Variants in PRDM5 observed in about 807,000 individuals in gnomAD.
The protein encoded by PRDM5 is PR domain zinc finger protein 5.
PRDM5 carries 56 observed loss-of-function variants against 81.2 expected under a neutral mutation model. The observed-to-expected ratio is 0.69, with a 90% CI of 0.56 to 0.86. PRDM5 has a LOEUF of 0.86. Among genes scored for constraint, PRDM5 ranks in the 40% least tolerant of loss-of-function variants. The pLI is 0.00. For missense variants in PRDM5, 697 were observed against 770.1 expected (o/e 0.91, Z 1.12); for synonymous variants, 267 against 256.4 (o/e 1.04, Z -0.39).
chr4:120,748,415 C>G (rs574085482), intron 14 of PRDM5, among the ~76,000 whole-genome samples: 1 of 151,976 alleles, frequency 6.6e-6, no homozygotes. Flanking sequence ...AGGCTGAGAC[C>G]AAAAGATCAC....
At chr4:120,916,636 C>T (rs1450478) in intron 1 of PRDM5, among the ~76,000 whole-genome samples, 36,481 of 151,930 alleles carry the variant, frequency 0.24, 4,545 homozygotes, top group African/African-American at 0.31. Context: ...TTGACATATC[C>T]CCTTGCTGTC....
chr4:120,898,121 G>GC (rs1167361142), intron 2 of PRDM5, among the ~76,000 whole-genome samples: 1 of 152,134 alleles, frequency 6.6e-6, no homozygotes, highest in African/African-American at 2.4e-5. Context: ...CACCTTAAAC[G>GC]CATCAGGGAG....
chr4:120,807,332 C>A (rs1753134545), intron 8 of PRDM5, among the ~76,000 whole-genome samples: 1 of 152,204 alleles, frequency 6.6e-6, no homozygotes, highest in Non-Finnish European at 1.5e-5. Flanking sequence ...CCATTTGACC[C>A]AGCCATATAT....
At chr4:120,697,984 T>C (rs1034263712) in intron 15 of PRDM5, among the ~76,000 whole-genome samples, 2 of 151,786 alleles carry the variant, frequency 1.3e-5, no homozygotes, top group Admixed American at 6.6e-5. Context: ...AAAATGTCAA[T>C]AGATTAATAT....
intron 11 of PRDM5, among the ~76,000 whole-genome samples, chr4:120,784,735 G>T (rs1418313378): frequency 6.6e-6 from 1 of 152,036 alleles, no homozygotes; most frequent in Non-Finnish European, 1.5e-5. Context: ...TATGGAAAAT[G>T]CTTTTATATA....
At position 120,693,521 on chromosome 4, in the gene PRDM5, C is replaced by G. The variant is rs545189762; in HGVS notation, c.*1590G>C. The G allele has an allele frequency of 1.3e-5, 2 of 152,172 alleles. No homozygotes were observed. The highest frequency in any genetic ancestry group is 4.1e-4 in the South Asian group (2 of 4,822). The allele number at this position is 152,172 out of a possible 1,614,324, so 9.4% of individuals were successfully genotyped here. A position where few individuals can be genotyped will look rare whatever the true frequency, so the allele number is the denominator to read the frequency against. The stretch of plus-strand genomic sequence containing the variant: ...ACTACATATAACTATACTTAAATAT[C>G]TTCTAAACTATAATTTTAGGATTTA... On this transcript the variant is annotated 3_prime_UTR_variant, in exon 16 of 16. Transcript: ENST00000264808.
At chr4:120,727,893 G>A (rs374905541) in intron 14 of PRDM5, among the ~76,000 whole-genome samples, 7 of 150,276 alleles carry the variant, frequency 4.7e-5, no homozygotes, top group South Asian at 2.1e-4. Context: ...CCAAGATCAC[G>A]CCACTGCACT....
intron 3 of PRDM5, among the ~76,000 whole-genome samples, chr4:120,844,292 C>T (rs1758396824): frequency 6.6e-6 from 1 of 152,168 alleles, no homozygotes; most frequent in African/African-American, 2.4e-5. Flanking sequence ...TATATCAGCA[C>T]TTACAGGCGT....
intron 10 of PRDM5, among the ~76,000 whole-genome samples, chr4:120,795,031 G>T (rs1009816829): frequency 5.3e-5 from 8 of 152,296 alleles, no homozygotes; most frequent in African/African-American, 1.7e-4. Context: ...AGACATTAAG[G>T]CCCAATGGAA....
intron 14 of PRDM5, among the ~76,000 whole-genome samples, chr4:120,732,892 A>C (rs1578512437): frequency 6.6e-6 from 1 of 152,202 alleles, no homozygotes; most frequent in African/African-American, 2.4e-5. Flanking sequence ...TATGCTTTGC[A>C]GCTGGGATAT....
intron 2 of PRDM5, among the ~76,000 whole-genome samples, chr4:120,889,118 T>C (rs1241758827): frequency 3.3e-5 from 5 of 152,174 alleles, no homozygotes; most frequent in African/African-American, 1.2e-4. Flanking sequence ...TTAGTGTTTA[T>C]TGTGCTTATT....
At chr4:120,884,756 T>C (rs1270684633) in intron 2 of PRDM5, among the ~76,000 whole-genome samples, 2 of 152,180 alleles carry the variant, frequency 1.3e-5, no homozygotes, top group African/African-American at 4.8e-5. Flanking sequence ...AATTTATTCA[T>C]ATACCTACTC....
chr4:120,743,925 C>A (rs921896901), intron 14 of PRDM5, among the ~76,000 whole-genome samples: 2 of 151,734 alleles, frequency 1.3e-5, no homozygotes, highest in African/African-American at 4.8e-5. Context: ...CTGCACCAAG[C>A]GGACCTAACA....
chr4:120,878,926 T>C (rs2148573242), intron 2 of PRDM5, among the ~76,000 whole-genome samples: 1 of 152,302 alleles, frequency 6.6e-6, no homozygotes, highest in South Asian at 2.1e-4. Context: ...GAACTCTCAT[T>C]CACTGCTGAG....
intron 2 of PRDM5, among the ~76,000 whole-genome samples, chr4:120,875,726 G>T (rs978512793): frequency 1.3e-5 from 2 of 152,196 alleles, no homozygotes; most frequent in Non-Finnish European, 2.9e-5. Flanking sequence ...AAAAGTAGTA[G>T]AGTAGTAGAC....
chr4:120,834,048 T>C, intron 3 of PRDM5, among the ~76,000 whole-genome samples: 1 of 152,174 alleles, frequency 6.6e-6, no homozygotes, highest in Non-Finnish European at 1.5e-5. Context: ...AAAACATTGG[T>C]TATTACAGGA....
intron 14 of PRDM5, among the ~76,000 whole-genome samples, chr4:120,752,972 A>G (rs1489196611): frequency 6.6e-6 from 1 of 152,184 alleles, no homozygotes; most frequent in Admixed American, 6.5e-5. Flanking sequence ...TAAAAAACAA[A>G]TTAATTGAAT....
At chr4:120,779,015 A>T (rs908722276) in intron 12 of PRDM5, among the ~76,000 whole-genome samples, 1 of 152,176 alleles carries the variant, frequency 6.6e-6, no homozygotes, top group Non-Finnish European at 1.5e-5. Flanking sequence ...TATTCCAAAC[A>T]GATAATTACT....
intron 14 of PRDM5, among the ~76,000 whole-genome samples, chr4:120,735,302 T>C (rs1386936144): frequency 6.6e-6 from 1 of 152,208 alleles, no homozygotes; most frequent in Non-Finnish European, 1.5e-5. Flanking sequence ...AACAGCAATA[T>C]AAATCAATCT....
Sources: allele counts gnomAD v4.1 joint callset (sites outside exome capture counted in the v4.1 genomes callset), GRCh38; gene constraint gnomAD v4.1.1; transcripts MANE v1.5; gene names NCBI Gene and HGNC (gene_info 2026-07-23, HGNC 2026-07-21).